The following IDO2 variants were observed in gnomAD, a reference collection of about 807,000 sequenced individuals.
The protein encoded by IDO2 is indoleamine 2,3-dioxygenase-like 1 protein.
Under a neutral mutation model 45.1 loss-of-function variants are expected in IDO2, and 46 were observed. The observed-to-expected ratio is 1.02, with a 90% CI of 0.80 to 1.30. The LOEUF is 1.30. Ranked by LOEUF, IDO2 falls within the 50% of genes most tolerant of loss-of-function variation. IDO2 has a pLI of 0.00. For missense variants in IDO2, 544 were observed against 491.8 expected, an observed-to-expected ratio of 1.11 and a Z score of -1.00; for synonymous variants, 218 against 184.9, an observed-to-expected ratio of 1.18 and a Z score of -1.45.
chr8:40,001,359 C>T (rs1436864888), intron 8 of IDO2, among the ~76,000 whole-genome samples: 2 of 149,390 alleles, frequency 1.3e-5, no homozygotes, highest in African/African-American at 4.9e-5. Flanking sequence ...GAGCAATTCT[C>T]CTGCCTCAGC....
chr8:39,949,250 C>T (rs1206982475), exon 2 of IDO2: 11 of 1,590,834 alleles, frequency 6.9e-6, no homozygotes, highest in Non-Finnish European at 9.4e-6. Context: ...TGGCTTTCTT[C>T]TTCCAGATTC....
intron 2 of IDO2, among the ~76,000 whole-genome samples, chr8:39,952,813 G>A (rs756039538): frequency 6.6e-6 from 1 of 151,734 alleles, no homozygotes; most frequent in African/African-American, 2.4e-5. Flanking sequence ...TTGTACCCCA[G>A]GTTGGAGTGC....
intron 2 of IDO2, among the ~76,000 whole-genome samples, chr8:39,949,691 T>A (rs1807785714): frequency 6.6e-6 from 1 of 152,200 alleles, no homozygotes; most frequent in South Asian, 2.1e-4. Flanking sequence ...ATTTTCTCCT[T>A]TGCATGACTA....
intron 8 of IDO2, among the ~76,000 whole-genome samples, chr8:39,990,631 A>C (rs1483055284): frequency 6.6e-6 from 1 of 152,228 alleles, no homozygotes; most frequent in Admixed American, 6.5e-5. Context: ...TGATCTCAAA[A>C]CAGTTACATA....
chr8:39,941,256 G>A (rs1210935589), intron 1 of IDO2, among the ~76,000 whole-genome samples: 1 of 146,812 alleles, frequency 6.8e-6, no homozygotes, highest in African/African-American at 2.5e-5. Flanking sequence ...TGAGTAACTG[G>A]GACTACAGGC....
At chr8:39,953,792 T>A (rs889636688) in intron 2 of IDO2, among the ~76,000 whole-genome samples, 1 of 152,162 alleles carries the variant, frequency 6.6e-6, no homozygotes, top group African/African-American at 2.4e-5. Context: ...CTCGAACCCC[T>A]GACCTCAAGT....
intron 2 of IDO2, among the ~76,000 whole-genome samples, chr8:39,959,256 C>T (rs1309961635): frequency 9.4e-5 from 14 of 149,630 alleles, no homozygotes; most frequent in Admixed American, 6.1e-4. Context: ...TACAGGTGCC[C>T]GCCACCACGC....
intron 6 of IDO2, chr8:39,986,917 C>G (rs1808435142): frequency 6.9e-6 from 1 of 144,756 alleles, no homozygotes; most frequent in African/African-American, 2.5e-5. Context: ...CTCTATCTCC[C>G]AGGCTGGAGT....
intron 8 of IDO2, among the ~76,000 whole-genome samples, chr8:39,993,152 G>T (rs1485175950): frequency 6.6e-6 from 1 of 152,116 alleles, no homozygotes; most frequent in Non-Finnish European, 1.5e-5. Flanking sequence ...GACTCAGCCA[G>T]ATCTGAGCTT....
At chr8:39,939,001 C>T (rs1807599128) in intron 1 of IDO2, among the ~76,000 whole-genome samples, 1 of 152,164 alleles carries the variant, frequency 6.6e-6, no homozygotes, top group African/African-American at 2.4e-5. Context: ...TGCCTGTAAT[C>T]CCAGCACTTT....
chr8:39,994,232 A>G (rs1801995198), intron 8 of IDO2, among the ~76,000 whole-genome samples: 1 of 151,386 alleles, frequency 6.6e-6, no homozygotes, highest in South Asian at 2.1e-4. Context: ...TGAATTTTCT[A>G]TAATGAAGAT....
intron 1 of IDO2, among the ~76,000 whole-genome samples, chr8:39,948,781 G>A (rs1377190157): frequency 2.0e-5 from 3 of 152,136 alleles, no homozygotes; most frequent in African/African-American, 4.8e-5. Context: ...TCAAATTCAC[G>A]ATGGAGCAGG....
chr8:39,989,551 G>A (rs1011359158), intron 7 of IDO2, among the ~76,000 whole-genome samples, 170 bp from the exon 8 acceptor site: 16 of 152,156 alleles, frequency 1.1e-4, no homozygotes, highest in African/African-American at 3.9e-4. Context: ...GGTCCCCAGG[G>A]AGCTTCTGGC....
At chr8:39,982,006 C>G (rs541972797) in intron 4 of IDO2, among the ~76,000 whole-genome samples, 62 of 152,222 alleles carry the variant, frequency 4.1e-4, no homozygotes, top group Non-Finnish European at 7.4e-4. Context: ...GAGTCAGTTT[C>G]CCCACAGGCT....
intron 8 of IDO2, among the ~76,000 whole-genome samples, chr8:40,004,604 A>G (rs2129595312): frequency 6.6e-6 from 1 of 152,008 alleles, no homozygotes; most frequent in East Asian, 1.9e-4. Flanking sequence ...AGAAACAGAG[A>G]CACAGTGATC....
chr8:39,988,575 C>T (rs1007152145), intron 7 of IDO2, among the ~76,000 whole-genome samples: 1 of 152,106 alleles, frequency 6.6e-6, no homozygotes, highest in Non-Finnish European at 1.5e-5. Context: ...CACGCCACCA[C>T]GCCTGGCTAA....
At chr8:39,958,192 A>T (rs914754051) in intron 2 of IDO2, among the ~76,000 whole-genome samples, 3 of 148,612 alleles carry the variant, frequency 2.0e-5, no homozygotes, top group African/African-American at 7.5e-5. Context: ...GGCGCGAGCC[A>T]CCGCGCCCAG....
At chr8:39,974,445 G>A (rs1808228519) in intron 3 of IDO2, among the ~76,000 whole-genome samples, 1 of 152,222 alleles carries the variant, frequency 6.6e-6, no homozygotes, top group Admixed American at 6.5e-5. Context: ...TTCATCTGTT[G>A]GAAGAAAATG....
At chr8:40,011,155 C>T (rs570344904) in intron 9 of IDO2, among the ~76,000 whole-genome samples, 80 of 152,298 alleles carry the variant, frequency 5.3e-4, no homozygotes, top group African/African-American at 1.9e-3. Flanking sequence ...AATCGATCTC[C>T]CCGCCTGGGC....
Sources: gnomAD v4.1 joint callset for allele counts (sites outside exome capture counted in the v4.1 genomes callset) on GRCh38, gnomAD v4.1.1 for gene constraint, MANE v1.5 for transcripts, NCBI Gene and HGNC (gene_info 2026-07-23, HGNC 2026-07-21) for gene names.